The following DYNC1LI1 variants were observed in gnomAD, a reference collection of about 807,000 sequenced individuals.
The protein encoded by DYNC1LI1 is dynein cytoplasmic 1 light intermediate chain 1.
DYNC1LI1 carries 19 observed loss-of-function variants against 63.8 expected under a neutral mutation model. The ratio of observed to expected loss-of-function variants is 0.30; its 90% CI spans 0.21 to 0.44. DYNC1LI1 has a LOEUF of 0.44. Ranked by LOEUF, DYNC1LI1 falls within the 20% of genes least tolerant of loss-of-function variation. The probability of loss-of-function intolerance (pLI) is 1.00; values close to 1 mark genes in which losing one functional copy is unlikely to be tolerated. For missense variants in DYNC1LI1, 565 were observed against 630.2 expected (o/e 0.90, Z 1.11); for synonymous variants, 225 against 232.3 (o/e 0.97, Z 0.28).
Position 32,530,154 on chromosome 3 carries a change from T to C in DYNC1LI1, c.1185+130A>G, listed in dbSNP as rs992529831. The C allele has an allele frequency of 3.1e-5, 24 of 783,964 alleles. No homozygotes were observed. In the East Asian group the frequency reaches 5.0e-4, roughly 16 times the overall value. The allele number at this position is 783,964 out of a possible 1,614,324, so 48.6% of individuals were successfully genotyped here. On this transcript the variant is annotated intron_variant, in intron 10 of 12. Coordinates refer to ENST00000273130, the MANE Select transcript of DYNC1LI1 (RefSeq NM_016141.4). ...CTTTACACTTTTAAAATCTCACAAA[T>C]TACAGAAGAATTCTGAATTCAAGTT...
At chr3:32,564,576 A>G (rs750645726) in intron 2 of DYNC1LI1, among the ~76,000 whole-genome samples, 6 of 152,246 alleles carry the variant, frequency 3.9e-5, no homozygotes, top group Non-Finnish European at 5.9e-5. Context: ...TGATTCTATT[A>G]TAAGATGCCA....
chr3:32,563,168 T>C (rs544344488), intron 2 of DYNC1LI1, among the ~76,000 whole-genome samples: 2 of 152,222 alleles, frequency 1.3e-5, no homozygotes, highest in East Asian at 3.9e-4. Context: ...GACATGTCTC[T>C]AATAAATGTT....
chr3:32,569,198 TTA>T (rs1341795314), intron 2 of DYNC1LI1, among the ~76,000 whole-genome samples: 2 of 152,174 alleles, frequency 1.3e-5, no homozygotes, highest in Non-Finnish European at 2.9e-5. Context: ...ATCCTAGGGC[TTA>T]TATGTGATAG....
At chr3:32,534,674 T>G in intron 6 of DYNC1LI1, 28 bp from the exon 7 acceptor site, 8 of 1,508,474 alleles carry the variant, frequency 5.3e-6, no homozygotes, top group Non-Finnish European at 6.2e-6. Flanking sequence ...AGAAAAATTC[T>G]GGACAAATGT....
chr3:32,556,761 T>G (rs1698120381), intron 2 of DYNC1LI1, among the ~76,000 whole-genome samples: 1 of 152,142 alleles, frequency 6.6e-6, no homozygotes, highest in Non-Finnish European at 1.5e-5. Context: ...AGGCTGGTCT[T>G]GAACTCAAGC....
chr3:32,527,662 T>C (rs1221781805), intron 12 of DYNC1LI1, among the ~76,000 whole-genome samples: 2 of 152,100 alleles, frequency 1.3e-5, no homozygotes, highest in Non-Finnish European at 2.9e-5. Flanking sequence ...CACTTAGGTA[T>C]TTACCCAAGA....
intron 2 of DYNC1LI1, among the ~76,000 whole-genome samples, chr3:32,556,631 A>T (rs1330769043): frequency 1.3e-5 from 2 of 151,992 alleles, no homozygotes; most frequent in Admixed American, 1.3e-4. Context: ...TGCAGCCTCA[A>T]CCTCCTGGGC....
At chr3:32,543,430 T>G (rs574949849) in intron 4 of DYNC1LI1, among the ~76,000 whole-genome samples, 1 of 148,868 alleles carries the variant, frequency 6.7e-6, no homozygotes, top group Non-Finnish European at 1.5e-5. Flanking sequence ...GACGGAGTCT[T>G]GCTCTGTCGC....
chr3:32,552,860 C>T (rs1009009459), intron 2 of DYNC1LI1, among the ~76,000 whole-genome samples: 3 of 152,148 alleles, frequency 2.0e-5, no homozygotes, highest in Non-Finnish European at 2.9e-5. Flanking sequence ...CACACGCCAC[C>T]ACGCCCAGCT....
intron 3 of DYNC1LI1, chr3:32,545,582 G>C (rs1024834837): frequency 1.4e-5 from 6 of 421,466 alleles, no homozygotes; most frequent in Non-Finnish European, 2.1e-5. Flanking sequence ...CTATCTGAGG[G>C]AAGATGAACT....
Position 32,529,629 on chromosome 3 carries a change from G to A in DYNC1LI1, c.1217C>T (p.Pro406Leu). Residue 406 changes from proline to leucine, a missense_variant, in exon 11 of 13, where the codon CCA becomes CTA. Coordinates refer to ENST00000273130, the MANE Select transcript of DYNC1LI1 (RefSeq NM_016141.4). The part of the protein sequence containing the change: ...DASPRVPGGS[P>L]RTPNRSVSSN... ...TGATACAGATCTATTTGGTGTTCGTGGGGAGCCTCCTGGGACTCTTGGTGA... is the reference window on the plus strand; with the variant it reads ...TGATACAGATCTATTTGGTGTTCGTAGGGAGCCTCCTGGGACTCTTGGTGA... 6.2e-7 allele frequency: 1 copy of A among 1,608,390 alleles called. No homozygotes were observed. The highest frequency in any genetic ancestry group is 1.1e-5 in the South Asian group (1 of 90,418).
intron 2 of DYNC1LI1, among the ~76,000 whole-genome samples, chr3:32,548,945 C>CA (rs1165343828): frequency 6.6e-6 from 1 of 151,508 alleles, no homozygotes; most frequent in Non-Finnish European, 1.5e-5. Context: ...ACTGGCCCAT[C>CA]AAAAAAAGAA....
Position 32,528,112 on chromosome 3 carries a change from CAAAAAAAAAA to C in DYNC1LI1, c.1462+324_1462+333del, listed in dbSNP as rs60912161. 1.3e-3 allele frequency among the ~76,000 whole-genome samples: 39 copies of C among 29,898 alleles called. No individual in the cohort carries two copies. In the South Asian group the frequency reaches 0.021, roughly 16 times the overall value. 19.6% of individuals were successfully genotyped at this position (29,898 alleles called of 152,430 possible). ...TGGGCAACAGAACAAGACTCCATCT[CAAAAAAAAAA>C]AAAAAAAAAAAAAAAAAAAAAAGAA... On this transcript the variant is annotated intron_variant, in intron 12 of 12. Coordinates refer to ENST00000273130, the MANE Select transcript of DYNC1LI1 (RefSeq NM_016141.4).
chr3:32,534,002 A>G (rs935598277), intron 7 of DYNC1LI1, among the ~76,000 whole-genome samples: 2 of 150,768 alleles, frequency 1.3e-5, no homozygotes, highest in Middle Eastern at 3.5e-3. Context: ...TCAGCCTCCC[A>G]AGTAGCTGGG....
chr3:32,546,233 C>A (rs1697950982), intron 2 of DYNC1LI1, among the ~76,000 whole-genome samples: 1 of 152,006 alleles, frequency 6.6e-6, no homozygotes, highest in African/African-American at 2.4e-5. Flanking sequence ...CATGGTGAAA[C>A]CCCGTCTCTA....
Position 32,526,903 on chromosome 3 carries a change from T to C in DYNC1LI1, c.1468A>G (p.Lys490Glu), listed in dbSNP as rs1008378770. ...LPPSTKKSGQ[K>E]PVLDVHAELD... ...TCTGCATGAACATCTAAGACAGGCT[T>C]CTGGCCTACATTGAAGAAAAAGAAA... The change falls in exon 13 of 13, where the codon AAG (lysine) becomes GAG (glutamate). Residue 490 changes from lysine (K) to glutamate (E), a missense_variant. By Grantham distance (56) the Lys-to-Glu change is moderately conservative. Coordinates refer to ENST00000273130, the MANE Select transcript of DYNC1LI1 (RefSeq NM_016141.4). The C allele has an allele frequency of 6.2e-7, 1 of 1,611,490 alleles. No homozygotes were observed. Among genetic ancestry groups the C allele is most frequent in the African/African-American group, 1.3e-5 (1 of 74,810 alleles).
At chr3:32,534,716 CA>C in intron 6 of DYNC1LI1, 70 bp from the exon 7 acceptor site, 3 of 1,266,284 alleles carry the variant, frequency 2.4e-6, no homozygotes, top group Non-Finnish European at 1.1e-6. Flanking sequence ...TCTGTGTTTT[CA>C]GCTTAACTTT....
In DYNC1LI1 at chr3:32,570,746, A is replaced by T; in HGVS notation, c.25T>A (p.Ser9Thr). 6.2e-7 allele frequency: 1 copy of T among 1,606,094 alleles called. No individual in the cohort carries two copies. Among genetic ancestry groups the T allele is most frequent in the East Asian group, 2.3e-5 (1 of 43,928 alleles). Residue 9 changes from serine to threonine, a missense_variant, in exon 1 of 13, where the codon TCC becomes ACC. Transcript: ENST00000273130. MAAVGRVG[S>T]FGSSPPGLSS... ...AATCCCGGCGGAGAAGAACCGAAGG[A>T]GCCGACTCGCCCCACGGCCGCCATC...
In DYNC1LI1 at chr3:32,537,981, T is replaced by A. The variant is rs1394415396; in HGVS notation, c.739-877A>T. ...TATATAATATATATATATTTATATA[T>A]AATATATATATATAATTTATATATA... On this transcript the variant is annotated intron_variant, in intron 5 of 12. Coordinates refer to ENST00000273130, the MANE Select transcript of DYNC1LI1 (RefSeq NM_016141.4). Among the ~76,000 whole-genome samples, 3 of 45,306 alleles carry A rather than the reference T, an allele frequency of 6.6e-5. 1 individual carries two copies. Among genetic ancestry groups the A allele is most frequent in the South Asian group, 8.7e-4 (2 of 2,312 alleles). The allele number at this position is 45,306 out of a possible 152,430, so 29.7% of individuals were successfully genotyped here. A position where few individuals can be genotyped will look rare whatever the true frequency, so the allele number is the denominator to read the frequency against.
Sources: allele counts gnomAD v4.1 joint callset (sites outside exome capture counted in the v4.1 genomes callset), GRCh38; gene constraint gnomAD v4.1.1; transcripts MANE v1.5; gene names NCBI Gene and HGNC (gene_info 2026-07-23, HGNC 2026-07-21).